The following TCF12 variants were observed in gnomAD, a reference collection of about 807,000 sequenced individuals.
TCF12 encodes the protein DNA-binding protein HTF4.
A neutral mutation model predicts 86.0 loss-of-function variants in TCF12; 45 were observed. The observed-to-expected ratio is 0.52, with a 90% CI of 0.41 to 0.67. The LOEUF (loss-of-function observed/expected upper bound fraction) is 0.67. Ranked by LOEUF, TCF12 falls within the 30% of genes least tolerant of loss-of-function variation. The pLI is 0.00. For missense variants in TCF12, 881 were observed against 859.9 expected, an observed-to-expected ratio of 1.02 and a Z score of -0.31; for synonymous variants, 330 against 299.6, an observed-to-expected ratio of 1.10 and a Z score of -1.05.
chr15:56,984,001 C>CAA (rs71113046), intron 3 of TCF12, among the ~76,000 whole-genome samples: 8 of 43,058 alleles, frequency 1.9e-4, no homozygotes, highest in South Asian at 2.6e-3. Context: ...GACCCTGTCT[C>CAA]AAAAAAAAAA....
At chr15:56,940,512 C>T (rs2060692311) in intron 3 of TCF12, among the ~76,000 whole-genome samples, 1 of 149,760 alleles carries the variant, frequency 6.7e-6, no homozygotes, top group Admixed American at 6.7e-5. Context: ...TCTTCTTCTC[C>T]TCCTCCTCCT....
rs2060157583 is a variant in TCF12 at position 57,252,376 on chromosome 15, A to T, written c.1189-45A>T. The T allele has an allele frequency of 3.3e-6, 5 of 1,512,308 alleles. No individual in the cohort carries two copies. The East Asian group carries it at 1.1e-4, about 34-fold the overall frequency. 93.7% of individuals were successfully genotyped at this position (1,512,308 alleles called of 1,614,324 possible). A position where few individuals can be genotyped will look rare whatever the true frequency, so the allele number is the denominator to read the frequency against. ...TATTTCCTCATCTCTTTTGGAGTTAATCTTAACCTGTGCTTTGCCTCCTGT... is the reference window on the plus strand; with the variant it reads ...TATTTCCTCATCTCTTTTGGAGTTATTCTTAACCTGTGCTTTGCCTCCTGT... On this transcript the variant is annotated intron_variant, in intron 14 of 20. Coordinates refer to ENST00000333725, the MANE Select transcript of TCF12 (RefSeq NM_207037.2).
At chr15:57,154,235 G>C (rs560132662) in intron 5 of TCF12, among the ~76,000 whole-genome samples, 18 of 152,154 alleles carry the variant, frequency 1.2e-4, no homozygotes, top group African/African-American at 3.9e-4. Flanking sequence ...TAGGGTCTTC[G>C]CTAGATGAAA....
At chr15:57,064,795 C>CAAAAAAAAAAAAAAAAAAAAAAAAA (rs1177544594) in intron 4 of TCF12, among the ~76,000 whole-genome samples, 4 of 78,064 alleles carry the variant, frequency 5.1e-5, no homozygotes, top group Admixed American at 1.9e-4. Context: ...GACTCCATCT[C>CAAAAAAAAAAAAAAAAAAAAAAAAA]AAAAAAAAAA....
intron 3 of TCF12, among the ~76,000 whole-genome samples, chr15:56,936,608 T>C (rs2060480774): frequency 6.6e-6 from 1 of 152,230 alleles, no homozygotes; most frequent in South Asian, 2.1e-4. Flanking sequence ...TTTTAAAGTT[T>C]CAGGTCTTAG....
intron 8 of TCF12, among the ~76,000 whole-genome samples, chr15:57,216,308 G>C (rs2058328295): frequency 6.6e-6 from 1 of 152,040 alleles, no homozygotes; most frequent in South Asian, 2.1e-4. Flanking sequence ...TTCCTATCTT[G>C]CTGTAAAACT....
intron 5 of TCF12, among the ~76,000 whole-genome samples, chr15:57,104,861 GTTTTTTT>G (rs11336613): frequency 5.6e-5 from 4 of 71,450 alleles, no homozygotes; most frequent in Non-Finnish European, 7.5e-5. Flanking sequence ...CTTTGGTGGT[GTTTTTTT>G]TTTTTTTTTT....
chr15:57,072,670 A>T, intron 4 of TCF12: 1 of 1,307,194 alleles, frequency 7.6e-7, no homozygotes, highest in Non-Finnish European at 1.0e-6. Flanking sequence ...ACACGAGATG[A>T]AGCAGTTAAA....
intron 9 of TCF12, among the ~76,000 whole-genome samples, chr15:57,231,580 A>G (rs1473028283): frequency 6.6e-6 from 1 of 152,138 alleles, no homozygotes; most frequent in Non-Finnish European, 1.5e-5. Flanking sequence ...TTCTTGTTTA[A>G]TTTATGGATT....
intron 13 of TCF12, among the ~76,000 whole-genome samples, chr15:57,244,509 G>A (rs2059770304): frequency 6.6e-6 from 1 of 152,174 alleles, no homozygotes; most frequent in Admixed American, 6.5e-5. Context: ...GCCCAGGCTG[G>A]AGTGCAGTGG....
intron 5 of TCF12, among the ~76,000 whole-genome samples, chr15:57,136,421 A>G (rs902364435): frequency 6.6e-6 from 1 of 152,236 alleles, no homozygotes; most frequent in Non-Finnish European, 1.5e-5. Context: ...GTGGCCTGTC[A>G]TAACCATGGA....
At chr15:57,201,757 A>G (rs7179311) in intron 8 of TCF12, among the ~76,000 whole-genome samples, 34 of 152,062 alleles carry the variant, frequency 2.2e-4, no homozygotes, top group African/African-American at 7.5e-4. Context: ...TTGGATTTGC[A>G]GGGTGTTTTA....
At chr15:57,018,095 A>G (rs1448860248) in intron 3 of TCF12, among the ~76,000 whole-genome samples, 1 of 152,180 alleles carries the variant, frequency 6.6e-6, no homozygotes, top group Non-Finnish European at 1.5e-5. Context: ...AAAAGGAAGA[A>G]GCTGAGGCAA....
At chr15:57,170,704 TAATATATA>T (rs2055338310) in intron 6 of TCF12, among the ~76,000 whole-genome samples, 1 of 6,304 alleles carries the variant, frequency 1.6e-4, no homozygotes, top group Non-Finnish European at 3.2e-4. Context: ...ATATTATATA[TAATATATA>T]ATATATATAT....
intron 3 of TCF12, among the ~76,000 whole-genome samples, chr15:56,988,734 C>G (rs1376970418): frequency 2.6e-5 from 4 of 152,080 alleles, no homozygotes; most frequent in African/African-American, 9.7e-5. Context: ...GAAATTAATT[C>G]CAGAGTAGTG....
At chr15:57,174,978 T>G (rs534336405) in intron 6 of TCF12, among the ~76,000 whole-genome samples, 2 of 151,552 alleles carry the variant, frequency 1.3e-5, no homozygotes, top group Admixed American at 1.3e-4. Context: ...AAACAAAAAC[T>G]AAAAGACTTC....
chr15:57,252,134 G>T (rs892564592), intron 14 of TCF12: 1 of 305,978 alleles, frequency 3.3e-6, no homozygotes, highest in Non-Finnish European at 6.0e-6. Flanking sequence ...AGGTTGCAAA[G>T]AGAAACATTC....
intron 4 of TCF12, among the ~76,000 whole-genome samples, chr15:57,078,734 G>A (rs150332941): frequency 6.6e-6 from 1 of 152,278 alleles, no homozygotes; most frequent in African/African-American, 2.4e-5. Context: ...CAGGTAAGAC[G>A]AGAAGATGAA....
intron 3 of TCF12, among the ~76,000 whole-genome samples, chr15:56,962,453 G>A (rs1343580934): frequency 1.3e-5 from 2 of 152,088 alleles, no homozygotes; most frequent in Admixed American, 1.3e-4. Flanking sequence ...ATTCATGTTG[G>A]ACAGCTTCCT....
Sources: gnomAD v4.1 joint callset for allele counts (sites outside exome capture counted in the v4.1 genomes callset) on GRCh38, gnomAD v4.1.1 for gene constraint, MANE v1.5 for transcripts, NCBI Gene and HGNC (gene_info 2026-07-23, HGNC 2026-07-21) for gene names.